DUSP22: variants seen among roughly 807,000 people sequenced by gnomAD.
DUSP22 encodes dual specificity phosphatase 22, also known as dual specificity protein phosphatase 22.
Under a neutral mutation model 24.5 loss-of-function variants are expected in DUSP22, and 24 were observed. The ratio of observed to expected loss-of-function variants is 0.98; its 90% confidence interval spans 0.71 to 1.38. DUSP22 has a LOEUF of 1.38. DUSP22 is among the 40% of genes most tolerant of loss of function. The probability of loss-of-function intolerance (pLI) is 0.00; values close to 1 mark genes in which losing one functional copy is unlikely to be tolerated. For synonymous variants in DUSP22, 160 were observed against 106.4 expected, an observed-to-expected ratio of 1.50 and a Z score of -3.10; for missense variants, 330 against 269.2, an observed-to-expected ratio of 1.23 and a Z score of -1.58.
chr6:309,523 T>C (rs1210765476), intron 2 of DUSP22, among the ~76,000 whole-genome samples: 1 of 152,306 alleles, frequency 6.6e-6, no homozygotes, highest in East Asian at 1.9e-4. Context: ...TAAATTTTTT[T>C]TCCTGACGTT....
chr6:323,376 G>T (rs1375928563), intron 3 of DUSP22, among the ~76,000 whole-genome samples: 2 of 152,290 alleles, frequency 1.3e-5, no homozygotes, highest in African/African-American at 2.4e-5. Flanking sequence ...CTGAGCAGGG[G>T]CATCGCCAGC....
Position 349,298 on chromosome 6 carries a change from T to C in DUSP22, c.*347T>C, listed in dbSNP as rs1176681342. Reference sequence around the variant, plus strand: ...GGGTATGTGCACCTAAGTGTGTACATGTGTGTATGTTGTGAAAGTGTCTGT... The same window carrying C: ...GGGTATGTGCACCTAAGTGTGTACACGTGTGTATGTTGTGAAAGTGTCTGT... On this transcript the variant is annotated 3_prime_UTR_variant, in exon 7 of 7. Transcript: ENST00000419235. The C allele has an allele frequency of 4.0e-5, 49 of 1,217,476 alleles. No individual in the cohort carries two copies. The highest frequency in any genetic ancestry group is 6.1e-5 in the African/African-American group (4 of 65,516). 75.4% of individuals were successfully genotyped at this position (1,217,476 alleles called of 1,614,324 possible). A position where few individuals can be genotyped will look rare whatever the true frequency, so the allele number is the denominator to read the frequency against.
intron 2 of DUSP22, among the ~76,000 whole-genome samples, chr6:308,405 A>G (rs996398082): frequency 1.1e-4 from 16 of 152,296 alleles, no homozygotes; most frequent in African/African-American, 1.4e-4. Context: ...TTCCAGGGTC[A>G]TCACCCAGCA....
chr6:296,443 A>G (rs544685466), intron 1 of DUSP22, among the ~76,000 whole-genome samples: 149 of 152,356 alleles, frequency 9.8e-4, no homozygotes, highest in African/African-American at 3.2e-3. Context: ...CTCGGCCACA[A>G]TGCAGAGTGC....
intron 2 of DUSP22, among the ~76,000 whole-genome samples, chr6:309,896 A>C (rs985559329): frequency 6.6e-6 from 1 of 152,300 alleles, no homozygotes; most frequent in Non-Finnish European, 1.5e-5. Context: ...TTCCCATGCC[A>C]TGAAATAGTC....
At chr6:304,579 A>G (rs780069821) in intron 1 of DUSP22, 49 bp from the exon 2 acceptor site, 2 of 1,613,896 alleles carry the variant, frequency 1.2e-6, no homozygotes, top group South Asian at 1.1e-5. Context: ...CTGCAATACC[A>G]TCCACTTAGA....
At chr6:320,314 T>C (rs1758529629) in intron 3 of DUSP22, 1 of 152,914 alleles carries the variant, frequency 6.5e-6, no homozygotes, top group Non-Finnish European at 1.5e-5. Flanking sequence ...TGAGTCCCGG[T>C]GTCTGAGCAT....
chr6:322,832 G>GC (rs1345063146), intron 3 of DUSP22, among the ~76,000 whole-genome samples: 241 of 135,676 alleles, frequency 1.8e-3, no homozygotes, highest in African/African-American at 6.4e-3. Flanking sequence ...CTGCTTGGTG[G>GC]GGCGGGGGGG....
At chr6:333,278 A>G (rs535806963) in intron 3 of DUSP22, among the ~76,000 whole-genome samples, 10 of 152,426 alleles carry the variant, frequency 6.6e-5, no homozygotes, top group Admixed American at 1.3e-4. Flanking sequence ...CAGATTCTAA[A>G]TTAACCCTTG....
chr6:350,329 G>C lies in DUSP22; in HGVS notation c.*1378G>C, dbSNP rs1473984066. The C allele has an allele frequency of 3.0e-6, 3 of 1,010,536 alleles. No homozygotes were observed. The African/African-American group carries it at 5.2e-5, about 18-fold the overall frequency. The allele number at this position is 1,010,536 out of a possible 1,614,324, so 62.6% of individuals were successfully genotyped here. A position where few individuals can be genotyped will look rare whatever the true frequency, so the allele number is the denominator to read the frequency against. ...GGGGCTGCAGGCATCCTGGGACGCT[G>C]TACGCAATTCAGTGGTCTAGTCCTT... On this transcript the variant is annotated 3_prime_UTR_variant, in exon 7 of 7. Transcript: ENST00000419235.
rs1270626824 is a variant in DUSP22 at position 349,482 on chromosome 6, A to C, written c.*531A>C. On this transcript the variant is annotated 3_prime_UTR_variant, in exon 7 of 7. Transcript: ENST00000419235. ...TCCGAAAAGCTACCCAGCAAAGAGC[A>C]GTCTGTGCCTCTGAGCAGACCGTGA... 4 of 1,006,432 alleles carry C rather than the reference A, an allele frequency of 4.0e-6. No individual in the cohort carries two copies. Among genetic ancestry groups the C allele is most frequent in the East Asian group, 1.1e-4 (1 of 9,496 alleles). The allele number at this position is 1,006,432 out of a possible 1,614,324, so 62.3% of individuals were successfully genotyped here. A position where few individuals can be genotyped will look rare whatever the true frequency, so the allele number is the denominator to read the frequency against.
intron 6 of DUSP22, 196 bp from the exon 7 acceptor site, chr6:348,573 G>T: frequency 9.9e-7 from 1 of 1,009,564 alleles, no homozygotes; most frequent in Non-Finnish European, 1.4e-6. Flanking sequence ...CATGTCCTAG[G>T]CCAGCACCTT....
intron 1 of DUSP22, among the ~76,000 whole-genome samples, chr6:293,930 TAAAAC>T (rs1282821769): frequency 5.3e-5 from 8 of 152,202 alleles, no homozygotes; most frequent in Non-Finnish European, 1.0e-4. Flanking sequence ...CTTTTTAAAT[TAAAAC>T]AGAACAATAA....
intron 1 of DUSP22, among the ~76,000 whole-genome samples, chr6:292,910 G>T (rs151171135): frequency 0.016 from 2,356 of 151,958 alleles, 4 homozygotes; most frequent in Middle Eastern, 0.044. Context: ...CCTCCTCTTC[G>T]CTCCCAAACT....
rs549326286 is a variant in DUSP22 at position 318,935 on chromosome 6, G to A, written c.138+6973G>A. On this transcript the variant is annotated intron_variant, in intron 3 of 6. Transcript: ENST00000419235. ...GTCCACTGTTAAGAAAAGGAAGCAA[G>A]TTATAGGATGATACCCATCATATAA... Among the ~76,000 whole-genome samples the A allele has an allele frequency of 2.0e-5, 3 of 152,420 alleles. No individual in the cohort carries two copies. In the East Asian group the frequency reaches 5.8e-4, roughly 29 times the overall value.
chr6:298,894 A>AG (rs71536969), intron 1 of DUSP22, among the ~76,000 whole-genome samples: 55 of 152,380 alleles, frequency 3.6e-4, no homozygotes, highest in Non-Finnish European at 5.9e-4. Flanking sequence ...AAGTAAGGAA[A>AG]TGAATACAGC....
At chr6:303,988 A>G (rs888030525) in intron 1 of DUSP22, among the ~76,000 whole-genome samples, 2 of 152,292 alleles carry the variant, frequency 1.3e-5, no homozygotes, top group African/African-American at 4.8e-5. Flanking sequence ...TAACCTGCAT[A>G]TATGTGGAGG....
At chr6:339,934 G>C (rs900179707) in intron 4 of DUSP22, among the ~76,000 whole-genome samples, 3 of 152,300 alleles carry the variant, frequency 2.0e-5, no homozygotes, top group African/African-American at 4.8e-5. Flanking sequence ...AGTTCCTGAG[G>C]GCTCTGCCAG....
intron 3 of DUSP22, among the ~76,000 whole-genome samples, chr6:334,698 T>C (rs1467661633): frequency 2.0e-5 from 3 of 152,310 alleles, no homozygotes; most frequent in Admixed American, 2.0e-4. Context: ...TAGTTTTCAC[T>C]CTTGTTAAGG....
Sources: gnomAD v4.1 joint callset for allele counts (sites outside exome capture counted in the v4.1 genomes callset) on GRCh38, gnomAD v4.1.1 for gene constraint, MANE v1.5 for transcripts, NCBI Gene and HGNC (gene_info 2026-07-23, HGNC 2026-07-21) for gene names.